The following KLHL25 variants were observed in gnomAD, a reference collection of about 807,000 sequenced individuals.
KLHL25 encodes kelch like family member 25.
In KLHL25, 41 loss-of-function variants were observed where a neutral mutation model predicts 30.0. The ratio of observed to expected loss-of-function variants is 1.37; its 90% confidence interval spans 1.07 to 1.78. The LOEUF is 1.78. Ranked by LOEUF, KLHL25 falls within the 40% of genes most tolerant of loss-of-function variation. KLHL25 has a pLI of 0.00. For synonymous variants in KLHL25, 399 were observed against 355.3 expected (o/e 1.12, Z -1.38); for missense variants, 971 against 824.5 (o/e 1.18, Z -2.18).
chr15:85,785,087 C>CTTTTTTTTTTTTTTTTTTTTTTTT (rs754310721), intron 1 of KLHL25, among the ~76,000 whole-genome samples: 3 of 139,082 alleles, frequency 2.2e-5, no homozygotes, highest in African/African-American at 2.6e-5. Flanking sequence ...TGATGTATTT[C>CTTTTTTTTTTTTTTTTTTTTTTTT]TTTTTTCTTT....
At chr15:85,771,749 T>G (rs2089676461) in intron 1 of KLHL25, among the ~76,000 whole-genome samples, 1 of 152,270 alleles carries the variant, frequency 6.6e-6, no homozygotes, top group Non-Finnish European at 1.5e-5. Flanking sequence ...GTGAGAGCAC[T>G]GGACGCAGAT....
Position 85,760,163 on chromosome 15 carries a change from C to T in KLHL25, c.*873G>A, listed in dbSNP as rs1430622312. 1 of 152,310 alleles carries T rather than the reference C, an allele frequency of 6.6e-6. No individual in the cohort carries two copies. Among genetic ancestry groups the T allele is most frequent in the Non-Finnish European group, 1.5e-5 (1 of 68,120 alleles). The allele number at this position is 152,310 out of a possible 1,614,324, so 9.4% of individuals were successfully genotyped here. ...TGCTGTCTCCAGCTCACAGCTGCTC[C>T]TGGTCTTGGAGGGCAGCGTGGTCTC... is the stretch of plus-strand genomic sequence containing the variant. On this transcript the variant is annotated 3_prime_UTR_variant, in exon 3 of 3. Transcript: ENST00000337975.
intron 1 of KLHL25, among the ~76,000 whole-genome samples, chr15:85,783,318 T>A (rs2089757245): frequency 6.6e-6 from 1 of 151,842 alleles, no homozygotes; most frequent in African/African-American, 2.4e-5. Context: ...GGTCTCGAAC[T>A]CCTGACCTCA....
intron 2 of KLHL25, chr15:85,763,061 G>C (rs2089594112): frequency 6.6e-6 from 1 of 152,350 alleles, no homozygotes; most frequent in Non-Finnish European, 1.5e-5. Context: ...AGAAGGGTTG[G>C]GAGTCTGCGC....
intron 1 of KLHL25, among the ~76,000 whole-genome samples, chr15:85,791,322 C>T (rs1324276873): frequency 6.6e-6 from 1 of 151,548 alleles, no homozygotes; most frequent in East Asian, 1.9e-4. Context: ...ATGGAGAAAC[C>T]CCGTCTCTAC....
At chr15:85,774,425 C>T (rs2089696843) in intron 1 of KLHL25, among the ~76,000 whole-genome samples, 2 of 152,194 alleles carry the variant, frequency 1.3e-5, no homozygotes, top group African/African-American at 4.8e-5. Flanking sequence ...TGCCCAGCAT[C>T]CTTCTCCAGC....
Position 85,768,847 on chromosome 15 carries a change from G to A in KLHL25, c.964C>T (p.Pro322Ser), listed in dbSNP as rs2089645717. 1 of 1,613,376 alleles carries A rather than the reference G, an allele frequency of 6.2e-7. No individual in the cohort carries two copies. Among genetic ancestry groups the A allele is most frequent in the East Asian group, 2.2e-5 (1 of 44,878 alleles). ...QVDHKAKEII[P>S]KADLPSPRKE... The stretch of plus-strand genomic sequence containing the variant: ...CGGGGGCTGGGCAGGTCGGCCTTGG[G>A]GATGATCTCCTTGGCCTTGTGGTCC... The change falls in exon 2 of 3, where the codon CCC becomes TCC. Residue 322 changes from proline to serine, a missense_variant. Physicochemically the swap from Pro to Ser is moderately conservative, Grantham distance 74. Transcript: ENST00000337975.
intron 1 of KLHL25, among the ~76,000 whole-genome samples, chr15:85,771,555 C>T (rs1283636193): frequency 6.6e-6 from 1 of 152,256 alleles, no homozygotes; most frequent in Non-Finnish European, 1.5e-5. Context: ...TTAGAGCTAG[C>T]AAGGTCCCTG....
chr15:85,792,600 C>T (rs1261129317), intron 1 of KLHL25, among the ~76,000 whole-genome samples: 3 of 152,176 alleles, frequency 2.0e-5, no homozygotes, highest in Non-Finnish European at 4.4e-5. Flanking sequence ...CGCTGGACTG[C>T]TGACTGTGCG....
chr15:85,764,662 G>T (rs2089607007), intron 2 of KLHL25, among the ~76,000 whole-genome samples: 1 of 152,232 alleles, frequency 6.6e-6, no homozygotes, highest in African/African-American at 2.4e-5. Flanking sequence ...AGGAACAGCA[G>T]TCATGGGTGG....
chr15:85,778,727 G>T (rs531527107), intron 1 of KLHL25, among the ~76,000 whole-genome samples: 20 of 152,234 alleles, frequency 1.3e-4, no homozygotes, highest in Non-Finnish European at 2.5e-4. Flanking sequence ...GGGGACAGAA[G>T]AGAGGTCTGT....
At chr15:85,786,486 CAG>C (rs2089782113) in intron 1 of KLHL25, among the ~76,000 whole-genome samples, 1 of 152,256 alleles carries the variant, frequency 6.6e-6, no homozygotes, top group South Asian at 2.1e-4. Context: ...GGCAAGTAAA[CAG>C]GGTTTAGTCT....
intron 2 of KLHL25, chr15:85,763,990 A>G (rs1157737508): frequency 1.3e-5 from 2 of 152,304 alleles, no homozygotes; most frequent in Non-Finnish European, 2.9e-5. Flanking sequence ...GGGAGGTGGC[A>G]GGAGTGCTTT....
At chr15:85,761,593 C>T (rs1243496751) in intron 2 of KLHL25, 1 of 151,674 alleles carries the variant, frequency 6.6e-6, no homozygotes, top group Non-Finnish European at 1.5e-5. Context: ...CCCAGCTCTC[C>T]TGGTTCTGCA....
intron 1 of KLHL25, among the ~76,000 whole-genome samples, chr15:85,784,494 G>A (rs1450018474): frequency 6.6e-6 from 1 of 151,758 alleles, no homozygotes. Context: ...TTGCTCTACT[G>A]CACTCAGCCC....
At chr15:85,763,460 C>CA (rs2089597407) in intron 2 of KLHL25, 2 of 152,270 alleles carry the variant, frequency 1.3e-5, no homozygotes, top group Admixed American at 6.5e-5. Flanking sequence ...TCCTAGTGGG[C>CA]GCCCTCCAAC....
In KLHL25 at chr15:85,769,105, C is replaced by T. The variant is rs139035411; in HGVS notation, c.706G>A (p.Val236Met). 5.4e-5 allele frequency: 86 copies of T among 1,606,488 alleles called. No homozygotes were observed. Among genetic ancestry groups the T allele is most frequent in the African/African-American group, 2.0e-4 (15 of 74,828 alleles). ...TCGGACGGCAGCAAGGCCAGACGCA[C>T]GCTGCGGAGGAGCTCGGGCAAGTGG... ...KVHLPELLRS[V>M]RLALLPSDCL... Residue 236 changes from valine to methionine, a missense_variant, in exon 2 of 3, where the codon GTG (valine) becomes ATG (methionine). Transcript: ENST00000337975.
At chr15:85,790,672 G>A (rs928123729) in intron 1 of KLHL25, among the ~76,000 whole-genome samples, 2 of 152,120 alleles carry the variant, frequency 1.3e-5, no homozygotes, top group Non-Finnish European at 2.9e-5. Flanking sequence ...ACAGGTTCCA[G>A]GTCTGAGGGC....
At chr15:85,781,776 G>A (rs750759597) in intron 1 of KLHL25, among the ~76,000 whole-genome samples, 7 of 152,062 alleles carry the variant, frequency 4.6e-5, no homozygotes, top group East Asian at 3.8e-4. Flanking sequence ...GAGCCACCGC[G>A]CCTGGCCAGA....
Sources: gnomAD v4.1 joint callset for allele counts (sites outside exome capture counted in the v4.1 genomes callset) on GRCh38, gnomAD v4.1.1 for gene constraint, MANE v1.5 for transcripts, NCBI Gene and HGNC (gene_info 2026-07-23, HGNC 2026-07-21) for gene names.